The following MOB1B variants were observed in gnomAD, a reference collection of about 807,000 sequenced individuals.
MOB1B encodes the protein MOB kinase activator 1B, also known as MOB1 Mps One Binder homolog B.
Under a neutral mutation model 24.4 loss-of-function variants are expected in MOB1B, and 19 were observed. The observed-to-expected ratio is 0.78, with a 90% CI of 0.54 to 1.14. The LOEUF is 1.14. Ranked by LOEUF, MOB1B falls within the 50% of genes most tolerant of loss-of-function variation. The probability of loss-of-function intolerance (pLI) is 0.00; values close to 1 mark genes in which losing one functional copy is unlikely to be tolerated. For synonymous variants in MOB1B, 76 were observed against 82.1 expected (o/e 0.93, Z 0.40); for missense variants, 243 against 259.6 (o/e 0.94, Z 0.44).
intron 1 of MOB1B, among the ~76,000 whole-genome samples, chr4:70,908,923 C>T (rs1405959960): frequency 1.6e-5 from 2 of 127,828 alleles, no homozygotes; most frequent in Admixed American, 7.7e-5. Flanking sequence ...TAGTGGCGGG[C>T]GCCTGTAATC....
chr4:70,929,592 T>C (rs373655213), intron 1 of MOB1B, among the ~76,000 whole-genome samples: 13 of 152,144 alleles, frequency 8.5e-5, no homozygotes, highest in African/African-American at 3.1e-4. Flanking sequence ...ATGATCCTCT[T>C]ACCTCAGCCT....
chr4:70,950,691 C>T (rs1442762256), intron 1 of MOB1B: 1 of 1,411,996 alleles, frequency 7.1e-7, no homozygotes, highest in African/African-American at 1.4e-5. Context: ...CATTATTATC[C>T]TGATGTAGGA....
intron 1 of MOB1B, among the ~76,000 whole-genome samples, chr4:70,933,498 A>G (rs1407016252): frequency 6.7e-6 from 1 of 149,370 alleles, no homozygotes; most frequent in Non-Finnish European, 1.5e-5. Context: ...ACGTAGTTTA[A>G]TTTAGAGTCA....
chr4:70,928,011 G>A lies in MOB1B; in HGVS notation c.14+25461G>A, dbSNP rs1199126450. 2.6e-5 allele frequency among the ~76,000 whole-genome samples: 4 copies of A among 152,120 alleles called. No individual in the cohort carries two copies. The South Asian group carries it at 6.2e-4, about 24-fold the overall frequency. On this transcript the variant is annotated intron_variant, in intron 1 of 5. Coordinates refer to ENST00000309395, the MANE Select transcript of MOB1B (RefSeq NM_173468.4). ...TTGTAAATGCCGTTCCTGTTATTCT[G>A]GCTGTTATTCTTCTCCTCCCCACCC...
At chr4:70,936,830 G>A (rs1737105221) in intron 1 of MOB1B, among the ~76,000 whole-genome samples, 1 of 152,120 alleles carries the variant, frequency 6.6e-6, no homozygotes, top group Admixed American at 6.6e-5. Context: ...GAGTTCTAGG[G>A]TAGAAATAAT....
chr4:70,906,511 C>G (rs967714456), intron 1 of MOB1B, among the ~76,000 whole-genome samples: 2 of 152,148 alleles, frequency 1.3e-5, no homozygotes, highest in African/African-American at 4.8e-5. Context: ...ATCAATAAAT[C>G]ATGTAGTATG....
chr4:70,938,534 A>G (rs1737184302), intron 1 of MOB1B, among the ~76,000 whole-genome samples: 1 of 151,990 alleles, frequency 6.6e-6, no homozygotes, highest in African/African-American at 2.4e-5. Context: ...TGCCCTCTCC[A>G]TAGAATAAAC....
At chr4:70,906,504 A>C (rs186142025) in intron 1 of MOB1B, among the ~76,000 whole-genome samples, 14 of 152,356 alleles carry the variant, frequency 9.2e-5, no homozygotes, top group Middle Eastern at 6.8e-3. Context: ...ACTGAACATC[A>C]ATAAATCATG....
chr4:70,987,316 A>T lies in MOB1B; in HGVS notation c.*5259A>T, dbSNP rs1739413152. 1 of 151,776 alleles carries T rather than the reference A, an allele frequency of 6.6e-6. No individual in the cohort carries two copies. The highest frequency in any genetic ancestry group is 1.9e-4 in the East Asian group (1 of 5,192). The allele number at this position is 151,776 out of a possible 1,614,324, so 9.4% of individuals were successfully genotyped here. A position where few individuals can be genotyped will look rare whatever the true frequency, so the allele number is the denominator to read the frequency against. ...ATATTAAATTGTTTTTTACTTATAA[A>T]TTCATGTTCTCATCTGATTTAATAT... On this transcript the variant is annotated 3_prime_UTR_variant, in exon 6 of 6. Transcript: ENST00000309395.
intron 2 of MOB1B, among the ~76,000 whole-genome samples, chr4:70,961,977 G>C (rs1011754929): frequency 1.3e-5 from 2 of 152,206 alleles, no homozygotes; most frequent in African/African-American, 2.4e-5. Flanking sequence ...TATAATCCCA[G>C]CATTTTGGGA....
At chr4:70,911,089 T>C (rs1313795140) in intron 1 of MOB1B, among the ~76,000 whole-genome samples, 1 of 152,098 alleles carries the variant, frequency 6.6e-6, no homozygotes, top group East Asian at 1.9e-4. Context: ...CCCTGCTAAC[T>C]TCTTCTGAAT....
chr4:70,903,061 G>A (rs774768389), intron 1 of MOB1B, among the ~76,000 whole-genome samples: 1 of 152,190 alleles, frequency 6.6e-6, no homozygotes, highest in Non-Finnish European at 1.5e-5. Flanking sequence ...GGGAAGTTGG[G>A]ATGACAAGTT....
At chr4:70,970,092 T>A (rs183509103) in intron 3 of MOB1B, 68 bp downstream of exon 3, 2 of 912,012 alleles carry the variant, frequency 2.2e-6, no homozygotes, top group East Asian at 2.5e-5. Flanking sequence ...AAAAACGAAG[T>A]TTCTGACCAT....
At chr4:70,964,679 C>T (rs971689343) in intron 2 of MOB1B, among the ~76,000 whole-genome samples, 1 of 152,108 alleles carries the variant, frequency 6.6e-6, no homozygotes, top group Admixed American at 6.5e-5. Flanking sequence ...CCTGTAATCC[C>T]AGCACTTTGG....
intron 1 of MOB1B, among the ~76,000 whole-genome samples, chr4:70,924,738 G>T (rs762370788): frequency 2.0e-5 from 3 of 152,098 alleles, no homozygotes; most frequent in Non-Finnish European, 4.4e-5. Flanking sequence ...AGGACATGTG[G>T]TGTTTGGTTT....
intron 1 of MOB1B, among the ~76,000 whole-genome samples, chr4:70,920,489 T>G (rs1736390768): frequency 6.6e-6 from 1 of 152,250 alleles, no homozygotes; most frequent in Admixed American, 6.5e-5. Flanking sequence ...CCTCCTAAAG[T>G]GCTAGGATTA....
At chr4:70,923,502 C>T (rs899148041) in intron 1 of MOB1B, among the ~76,000 whole-genome samples, 3 of 152,124 alleles carry the variant, frequency 2.0e-5, no homozygotes, top group Non-Finnish European at 4.4e-5. Context: ...CTTGCCTAGT[C>T]AAATTTTCTT....
At chr4:70,955,293 C>T (rs1737994719) in intron 1 of MOB1B, among the ~76,000 whole-genome samples, 2 of 152,094 alleles carry the variant, frequency 1.3e-5, no homozygotes, top group South Asian at 4.1e-4. Flanking sequence ...CTGCTTGTCA[C>T]ATCTTCAGTT....
intron 1 of MOB1B, among the ~76,000 whole-genome samples, chr4:70,908,720 A>G (rs1383128673): frequency 6.7e-6 from 1 of 150,018 alleles, no homozygotes; most frequent in Non-Finnish European, 1.5e-5. Flanking sequence ...GGTTGCAGTG[A>G]GCCGAGATCA....
Sources: gnomAD v4.1 joint callset for allele counts (sites outside exome capture counted in the v4.1 genomes callset) on GRCh38, gnomAD v4.1.1 for gene constraint, MANE v1.5 for transcripts, NCBI Gene and HGNC (gene_info 2026-07-23, HGNC 2026-07-21) for gene names.